PLEKHA7: variants seen among roughly 807,000 people sequenced by gnomAD.
PLEKHA7 encodes the protein pleckstrin homology domain containing A7, also known as pleckstrin homology domain-containing family A member 7.
Under a neutral mutation model 170.0 loss-of-function variants are expected in PLEKHA7, and 104 were observed. That is an observed-to-expected ratio of 0.61 (90% CI 0.52 to 0.72). PLEKHA7 has a LOEUF of 0.72. Among genes scored for constraint, PLEKHA7 ranks in the 30% least tolerant of loss-of-function variants. PLEKHA7 has a pLI of 0.00. For missense variants in PLEKHA7, 1,615 were observed against 1,671.7 expected (o/e 0.97, Z 0.59); for synonymous variants, 648 against 660.8 (o/e 0.98, Z 0.30).
At chr11:16,930,114 C>T (rs79893958) in intron 3 of PLEKHA7, among the ~76,000 whole-genome samples, 1,845 of 152,310 alleles carry the variant, frequency 0.012, 32 homozygotes, top group African/African-American at 0.041. Flanking sequence ...CTACAATTTG[C>T]TTCACATTTT....
intron 3 of PLEKHA7, among the ~76,000 whole-genome samples, chr11:16,948,458 C>T (rs1861189251): frequency 6.6e-6 from 1 of 152,074 alleles, no homozygotes; most frequent in Non-Finnish European, 1.5e-5. Flanking sequence ...CTGACTGTAT[C>T]AGAATGTCCT....
chr11:16,901,592 G>A (rs1462430086), intron 3 of PLEKHA7, among the ~76,000 whole-genome samples: 1 of 152,150 alleles, frequency 6.6e-6, no homozygotes. Flanking sequence ...AGTGTAGCTG[G>A]GCATGGTGGC....
In PLEKHA7 at chr11:16,789,359, C is replaced by A; in HGVS notation, c.3157-63G>T. Reference sequence around the variant, plus strand: ...GCTGGGCTGGGCACGCAGAGGACAGCCACCCTGCTGGCTGCATTCCCGTTG... The same window carrying A: ...GCTGGGCTGGGCACGCAGAGGACAGACACCCTGCTGGCTGCATTCCCGTTG... On this transcript the variant is annotated intron_variant, in intron 22 of 26. Coordinates refer to ENST00000531066, the MANE Select transcript of PLEKHA7 (RefSeq NM_001329630.2). The surrounding 1 kb of genome is among the most constrained non-coding windows in gnomAD (Gnocchi z 4.6). 6.7e-7 allele frequency: 1 copy of A among 1,499,356 alleles called. No individual in the cohort carries two copies. 92.9% of individuals were successfully genotyped at this position (1,499,356 alleles called of 1,614,324 possible). A position where few individuals can be genotyped will look rare whatever the true frequency, so the allele number is the denominator to read the frequency against.
At chr11:16,928,329 CA>C (rs1859707166) in intron 3 of PLEKHA7, among the ~76,000 whole-genome samples, 1 of 151,862 alleles carries the variant, frequency 6.6e-6, no homozygotes, top group African/African-American at 2.4e-5. Context: ...AACAAAAAAA[CA>C]GAATGAAATC....
chr11:16,824,528 G>A (rs1850485027), intron 10 of PLEKHA7, among the ~76,000 whole-genome samples: 1 of 152,180 alleles, frequency 6.6e-6, no homozygotes, highest in Non-Finnish European at 1.5e-5. Context: ...ATTAAACAAA[G>A]TTTTTAAAAT....
At chr11:16,786,999 GA>G (rs903783431) in intron 23 of PLEKHA7, 6 of 980,988 alleles carry the variant, frequency 6.1e-6, no homozygotes, top group Non-Finnish European at 3.6e-6. Context: ...CTTTAAATTA[GA>G]AAAAAAAACT....
At chr11:17,003,151 C>T (rs958595203) in intron 3 of PLEKHA7, among the ~76,000 whole-genome samples, 5 of 152,046 alleles carry the variant, frequency 3.3e-5, no homozygotes, top group Admixed American at 1.3e-4. Flanking sequence ...CCACAGTGCC[C>T]GGCTAATTTT....
At chr11:16,880,095 A>C (rs1855598620) in intron 3 of PLEKHA7, among the ~76,000 whole-genome samples, 1 of 152,234 alleles carries the variant, frequency 6.6e-6, no homozygotes, top group African/African-American at 2.4e-5. Context: ...GGAAGTTGGC[A>C]GAGGGGCAAT....
chr11:16,880,334 C>T (rs1342883205), intron 3 of PLEKHA7, among the ~76,000 whole-genome samples: 2 of 152,176 alleles, frequency 1.3e-5, no homozygotes, highest in Non-Finnish European at 1.5e-5. Context: ...TGACCTTGAG[C>T]GAGTTAGTGG....
At position 16,810,916 on chromosome 11, in the gene PLEKHA7, C is replaced by T. The variant is rs185309643; in HGVS notation, c.2007+2197G>A. 8.5e-5 allele frequency among the ~76,000 whole-genome samples: 13 copies of T among 152,274 alleles called. No homozygotes were observed. The East Asian group carries it at 2.1e-3, about 25-fold the overall frequency. On this transcript the variant is annotated intron_variant, in intron 13 of 26. Coordinates refer to ENST00000531066, the MANE Select transcript of PLEKHA7 (RefSeq NM_001329630.2). ...GAAACTCATTAGCCTTTCGGAGTCACGGTCCATTAAAAGATGATACCACCA... is the reference window on the plus strand; with the variant it reads ...GAAACTCATTAGCCTTTCGGAGTCATGGTCCATTAAAAGATGATACCACCA...
Position 16,991,062 on chromosome 11 carries a change from C to T in PLEKHA7, c.221+22927G>A, listed in dbSNP as rs559376031. On this transcript the variant is annotated intron_variant, in intron 3 of 26. Transcript: ENST00000531066. ...GGGTGACTGGAAGCTAGTGCAGAGA[C>T]AAACAAGGATGCCGGTGGTTCCCAA... 2.0e-5 allele frequency among the ~76,000 whole-genome samples: 3 copies of T among 152,250 alleles called. No individual in the cohort carries two copies. The South Asian group carries it at 6.2e-4, about 32-fold the overall frequency.
At chr11:16,795,256 TAATTTAA>T (rs1170495085) in intron 17 of PLEKHA7, 3 of 510,750 alleles carry the variant, frequency 5.9e-6, no homozygotes, top group Non-Finnish European at 1.1e-5. Context: ...CTTGCCTACC[TAATTTAA>T]AAACAGACTG....
chr11:17,014,104 A>G, intron 2 of PLEKHA7, 21 bp downstream of exon 2: 2 of 1,584,684 alleles, frequency 1.3e-6, no homozygotes, highest in Non-Finnish European at 1.7e-6. Flanking sequence ...CGCGCCCCCC[A>G]CCCGCCGGCC....
chr11:16,804,338 G>A (rs922138876), intron 13 of PLEKHA7, among the ~76,000 whole-genome samples: 4 of 152,216 alleles, frequency 2.6e-5, no homozygotes, highest in South Asian at 4.1e-4. Context: ...AATGTGGACC[G>A]ATAGCTGCTG....
intron 3 of PLEKHA7, among the ~76,000 whole-genome samples, chr11:16,967,532 C>T (rs1274835964): frequency 1.3e-5 from 2 of 152,200 alleles, no homozygotes; most frequent in Non-Finnish European, 2.9e-5. Flanking sequence ...TGCCATGAGG[C>T]CCTCCATTCT....
At chr11:16,825,077 T>G (rs1850532742) in intron 10 of PLEKHA7, among the ~76,000 whole-genome samples, 1 of 152,242 alleles carries the variant, frequency 6.6e-6, no homozygotes, top group African/African-American at 2.4e-5. Flanking sequence ...CAACAATGTC[T>G]TATCAGTTAC....
chr11:16,965,633 G>C (rs1210541695), intron 3 of PLEKHA7, among the ~76,000 whole-genome samples: 1 of 152,180 alleles, frequency 6.6e-6, no homozygotes, highest in Non-Finnish European at 1.5e-5. Context: ...TCAAAGCCCA[G>C]AAAAGGGAGG....
chr11:16,858,784 G>A (rs779392964), intron 4 of PLEKHA7, among the ~76,000 whole-genome samples: 1 of 151,974 alleles, frequency 6.6e-6, no homozygotes, highest in South Asian at 2.1e-4. Context: ...GAGCCACCGC[G>A]CCCAACCTAA....
At chr11:16,941,416 T>C (rs908428883) in intron 3 of PLEKHA7, among the ~76,000 whole-genome samples, 7 of 152,206 alleles carry the variant, frequency 4.6e-5, no homozygotes, top group African/African-American at 1.4e-4. Context: ...AAGGCACTCA[T>C]GAACAACTTA....
Sources: allele counts gnomAD v4.1 joint callset (sites outside exome capture counted in the v4.1 genomes callset), GRCh38; gene constraint gnomAD v4.1.1; non-coding constraint Gnocchi (gnomAD v3.1); transcripts MANE v1.5; gene names NCBI Gene and HGNC (gene_info 2026-07-23, HGNC 2026-07-21).